The following MBIP variants were observed in gnomAD, a reference collection of about 807,000 sequenced individuals.
MBIP encodes the protein MAP3K12-binding inhibitory protein 1.
MBIP carries 32 observed loss-of-function variants against 45.7 expected under a neutral mutation model. The observed-to-expected ratio is 0.70, with a 90% CI of 0.53 to 0.94. The LOEUF is 0.94. Among genes scored for constraint, MBIP ranks in the 40% least tolerant of loss-of-function variants. MBIP has a pLI of 0.00. For synonymous variants in MBIP, 145 were observed against 141.0 expected (o/e 1.03, Z -0.20); for missense variants, 381 against 405.5 (o/e 0.94, Z 0.52).
At chr14:36,315,351 T>C (rs913581162) in intron 2 of MBIP, among the ~76,000 whole-genome samples, 2 of 152,068 alleles carry the variant, frequency 1.3e-5, no homozygotes, top group Non-Finnish European at 2.9e-5. Context: ...CGAGAGCTAG[T>C]GCTCTCACTC....
intron 7 of MBIP, among the ~76,000 whole-genome samples, chr14:36,305,621 TG>T (rs1414405811): frequency 2.6e-5 from 4 of 152,138 alleles, no homozygotes; most frequent in African/African-American, 4.8e-5. Context: ...AGACAATCTG[TG>T]TTCCTATCCA....
chr14:36,299,247 A>T (rs1385919962), intron 8 of MBIP, 57 bp from the exon 9 acceptor site: 1 of 1,115,918 alleles, frequency 9.0e-7, no homozygotes, highest in Non-Finnish European at 1.4e-6. Context: ...CTTAATGCAG[A>T]TAAAGTGCCA....
chr14:36,299,234 T>C (rs1398344631), intron 8 of MBIP, 44 bp from the exon 9 acceptor site: 1 of 1,284,830 alleles, frequency 7.8e-7, no homozygotes, highest in Non-Finnish European at 1.1e-6. Context: ...GATTCTGAAG[T>C]ATCTTAATGC....
At position 36,308,124 on chromosome 14, in the gene MBIP, C is replaced by T. The variant is rs1879990648; in HGVS notation, c.856G>A (p.Glu286Lys). The T allele has an allele frequency of 6.2e-7, 1 of 1,601,720 alleles. No homozygotes were observed. The highest frequency in any genetic ancestry group is 8.5e-7 in the Non-Finnish European group (1 of 1,170,886). ...KKLEDKILEL[E>K]GISPEYFQSV... ...TGAAAATATTCAGGAGAGATGCCTT[C>T]CAATTCAAGGATTTTATCCTCAAGT... Residue 286 changes from glutamate to lysine, a missense_variant, in exon 7 of 9, where the codon GAA becomes AAA. Glu to Lys is a moderately conservative substitution (Grantham distance 56). Coordinates refer to ENST00000416007, the MANE Select transcript of MBIP (RefSeq NM_016586.3).
intron 7 of MBIP, among the ~76,000 whole-genome samples, chr14:36,302,363 G>T (rs933104261): frequency 6.6e-6 from 1 of 151,938 alleles, no homozygotes; most frequent in Non-Finnish European, 1.5e-5. Context: ...GTGGTGGCAG[G>T]TGCCTGCAGT....
intron 4 of MBIP, among the ~76,000 whole-genome samples, chr14:36,313,070 A>ATG (rs1880303959): frequency 6.6e-6 from 1 of 151,886 alleles, no homozygotes; most frequent in Non-Finnish European, 1.5e-5. Context: ...CTGTTGATAA[A>ATG]TCAAATAGTA....
chr14:36,307,520 A>G (rs571036042), intron 7 of MBIP, among the ~76,000 whole-genome samples: 1 of 152,342 alleles, frequency 6.6e-6, no homozygotes, highest in Admixed American at 6.5e-5. Context: ...TGTGCCAAAG[A>G]TACTAACTTA....
chr14:36,315,002 G>A, intron 2 of MBIP, 87 bp from the exon 3 acceptor site: 1 of 798,656 alleles, frequency 1.3e-6, no homozygotes. Context: ...TTTCTGCTAA[G>A]TAAATGAAAT....
chr14:36,305,313 C>A (rs1366688768), intron 7 of MBIP: 2 of 152,152 alleles, frequency 1.3e-5, no homozygotes, highest in Non-Finnish European at 2.9e-5. Flanking sequence ...GCCTAAAGGA[C>A]AGAATGAGTC....
rs1880840906 is a variant in MBIP at position 36,320,521 on chromosome 14, G to T, written c.68C>A (p.Pro23His). 1 of 1,613,896 alleles carries T rather than the reference G, an allele frequency of 6.2e-7. No individual in the cohort carries two copies. Residue 23 changes from proline (P) to histidine (H), a missense_variant, in exon 1 of 9, where the codon CCC becomes CAC. Pro to His is a moderately conservative substitution (Grantham distance 77, BLOSUM62 -2). Transcript: ENST00000416007. ...GDRNLERRCR[P>H]NLSREVLYEI... Reference sequence around the variant, plus strand: ...GTAGAGCACCTCTCGGGAGAGGTTGGGTCTGCATCTTCGCTCCAGGTTCCT... The same window carrying T: ...GTAGAGCACCTCTCGGGAGAGGTTGTGTCTGCATCTTCGCTCCAGGTTCCT...
chr14:36,301,329 T>C (rs1879534913), intron 7 of MBIP, among the ~76,000 whole-genome samples: 1 of 152,200 alleles, frequency 6.6e-6, no homozygotes. Context: ...TACTTCTCTG[T>C]GTGGCCCAAG....
chr14:36,298,803 A>G lies in MBIP; in HGVS notation c.*280T>C. ...CTTCCTGTGGTCCACAAAAGAAAAA[A>G]GATGTACCAGCACTTGTAAATTAAG... On this transcript the variant is annotated 3_prime_UTR_variant, in exon 9 of 9. Coordinates refer to ENST00000416007, the MANE Select transcript of MBIP (RefSeq NM_016586.3). 3.9e-6 allele frequency: 1 copy of G among 253,836 alleles called. No individual in the cohort carries two copies. Among genetic ancestry groups the G allele is most frequent in the Admixed American group, 5.1e-5 (1 of 19,682 alleles). 15.7% of individuals were successfully genotyped at this position (253,836 alleles called of 1,614,324 possible). A position where few individuals can be genotyped will look rare whatever the true frequency, so the allele number is the denominator to read the frequency against.
At chr14:36,314,140 T>C (rs1880387379) in intron 4 of MBIP, 1 of 165,706 alleles carries the variant, frequency 6.0e-6, no homozygotes, top group Non-Finnish European at 1.3e-5. Context: ...CACTTACGTA[T>C]TAACATCATG....
intron 6 of MBIP, among the ~76,000 whole-genome samples, chr14:36,311,292 T>G (rs1400156112): frequency 1.3e-5 from 2 of 152,092 alleles, no homozygotes; most frequent in Non-Finnish European, 2.9e-5. Flanking sequence ...TATCTCTTTT[T>G]TCTTTTTTTT....
In MBIP at chr14:36,309,753, C is replaced by T. The variant is rs551350047; in HGVS notation, c.791-1564G>A. Among the ~76,000 whole-genome samples, 14 of 152,250 alleles carry T rather than the reference C, an allele frequency of 9.2e-5. No homozygotes were observed. The South Asian group carries it at 1.9e-3, about 20-fold the overall frequency. ...CTTCACTGGGTAACGCAGGCACTGCCGAAACCTCTTCATTCGCATAAAGGC... is the reference window on the plus strand; with the variant it reads ...CTTCACTGGGTAACGCAGGCACTGCTGAAACCTCTTCATTCGCATAAAGGC... On this transcript the variant is annotated intron_variant, in intron 6 of 8. Transcript: ENST00000416007.
At chr14:36,307,204 A>C (rs1406489119) in intron 7 of MBIP, among the ~76,000 whole-genome samples, 1 of 152,146 alleles carries the variant, frequency 6.6e-6, no homozygotes, top group Non-Finnish European at 1.5e-5. Flanking sequence ...TTCTGGAAAT[A>C]CTTCTTTTCT....
At chr14:36,314,410 A>G in intron 4 of MBIP, 102 bp downstream of exon 4, 3 of 687,824 alleles carry the variant, frequency 4.4e-6, no homozygotes, top group Admixed American at 3.3e-5. Flanking sequence ...AATAAATTGA[A>G]TTGTGTTCTA....
intron 7 of MBIP, among the ~76,000 whole-genome samples, chr14:36,307,074 C>T (rs573038864): frequency 6.6e-6 from 1 of 152,300 alleles, no homozygotes; most frequent in African/African-American, 2.4e-5. Context: ...TTTGCTTCAG[C>T]CCTTAGTATT....
Position 36,314,811 on chromosome 14 carries a change from T to C in MBIP, c.354A>G (p.Lys118=), listed in dbSNP as rs1566555063. 6.2e-7 allele frequency: 1 copy of C among 1,613,572 alleles called. No individual in the cohort carries two copies. The highest frequency in any genetic ancestry group is 1.1e-5 in the South Asian group (1 of 91,070). Residue 118 remains lysine (K), a synonymous_variant, in exon 3 of 9, where the codon AAA becomes AAG. Transcript: ENST00000416007. ...EMGNKNEVND[K]FSIGDLQEEE... ...CCTCTTGTAGGTCGCCAATGGAAAA[T>C]TTGTCATTTACTTCATTTTTGTTCC...
Sources: gnomAD v4.1 joint callset for allele counts (sites outside exome capture counted in the v4.1 genomes callset) on GRCh38, gnomAD v4.1.1 for gene constraint, MANE v1.5 for transcripts, NCBI Gene and HGNC (gene_info 2026-07-23, HGNC 2026-07-21) for gene names.